TGS1: variants seen among roughly 807,000 people sequenced by gnomAD.
TGS1 encodes trimethylguanosine synthase 1, also known as trimethylguanosine synthase.
In TGS1, 69 loss-of-function variants were observed where a neutral mutation model predicts 92.2. That is an observed-to-expected ratio of 0.75 (90% CI 0.62 to 0.91). TGS1 has a LOEUF of 0.91. Among genes scored for constraint, TGS1 ranks in the 40% least tolerant of loss-of-function variants. TGS1 has a pLI of 0.00. For missense variants in TGS1, 1,062 were observed against 1,001.2 expected (o/e 1.06, Z -0.82); for synonymous variants, 345 against 338.1 (o/e 1.02, Z -0.22).
intron 10 of TGS1, among the ~76,000 whole-genome samples, chr8:55,809,935 A>G (rs1041053664): frequency 2.6e-5 from 4 of 152,218 alleles, no homozygotes; most frequent in African/African-American, 9.7e-5. Flanking sequence ...AGACTGAGCA[A>G]CTGAAAAGAA....
chr8:55,799,300 T>A, intron 8 of TGS1, 80 bp downstream of exon 8: 1 of 1,330,006 alleles, frequency 7.5e-7, no homozygotes, highest in Non-Finnish European at 1.0e-6. Flanking sequence ...TAGTTTTCAC[T>A]TGTGAATCTT....
intron 5 of TGS1, 67 bp downstream of exon 5, chr8:55,790,366 G>A (rs1386343390): frequency 2.0e-5 from 19 of 966,190 alleles, no homozygotes; most frequent in Non-Finnish European, 2.8e-5. Context: ...TAAGCCAGTG[G>A]TTATTAAATG....
chr8:55,779,544 T>TG lies in TGS1; in HGVS notation c.102-3203dup, dbSNP rs575123660. On this transcript the variant is annotated intron_variant, in intron 1 of 12. Transcript: ENST00000260129. ...AAAATACCTGGCTCTTTGTAGGAGA[T>TG]GCAGGCCAGGAAAGGAAAGTCACCT... Among the ~76,000 whole-genome samples, 422 of 152,352 alleles carry TG rather than the reference T, an allele frequency of 2.8e-3. 2 individuals carry two copies. Among genetic ancestry groups the TG allele is most frequent in the Middle Eastern group, 6.8e-3 (2 of 294 alleles).
intron 8 of TGS1, among the ~76,000 whole-genome samples, chr8:55,799,473 C>T (rs1812158066): frequency 6.6e-6 from 1 of 152,196 alleles, no homozygotes; most frequent in Non-Finnish European, 1.5e-5. Context: ...ATTGTGTCTG[C>T]AGACCACTGT....
At position 55,786,700 on chromosome 8, in the gene TGS1, T is replaced by G; in HGVS notation, c.802T>G (p.Cys268Gly). ...QGWTFDASQS[C>G]DTDTYTSKTE... ...TTGGACTTTTGATGCCTCGCAAAGC[T>G]GTGATACAGATACTTACACATCTAA... The change falls in exon 4 of 13, where the codon TGT (cysteine) becomes GGT (glycine). Residue 268 changes from cysteine (C) to glycine (G), a missense_variant. Cys to Gly is a radical substitution (Grantham distance 159). Coordinates refer to ENST00000260129, the MANE Select transcript of TGS1 (RefSeq NM_024831.8). 6.2e-7 allele frequency: 1 copy of G among 1,614,170 alleles called. No individual in the cohort carries two copies. Among genetic ancestry groups the G allele is most frequent in the Non-Finnish European group, 8.5e-7 (1 of 1,180,038 alleles).
chr8:55,786,388 G>C lies in TGS1; in HGVS notation c.490G>C (p.Glu164Gln). Residue 164 changes from glutamate to glutamine, a missense_variant, in exon 4 of 13, where the codon GAG (glutamate) becomes CAG (glutamine). Glu to Gln is a conservative substitution (Grantham distance 29). Coordinates refer to ENST00000260129, the MANE Select transcript of TGS1 (RefSeq NM_024831.8). ...SDDPSSIEQY[E>Q]NTRTYELQSK... Reference sequence around the variant, plus strand: ...TGATCCATCTTCAATTGAACAGTATGAGAACACCAGAACATATGAACTTCA... The same window carrying C: ...TGATCCATCTTCAATTGAACAGTATCAGAACACCAGAACATATGAACTTCA... 6.2e-7 allele frequency: 1 copy of C among 1,613,758 alleles called. No homozygotes were observed. Among genetic ancestry groups the C allele is most frequent in the South Asian group, 1.1e-5 (1 of 90,880 alleles).
rs1226848499 is a variant in TGS1 at position 55,811,034 on chromosome 8, G to A, written c.2297G>A (p.Trp766Ter). The change falls in exon 11 of 13, where the codon TGG (tryptophan) becomes TAG (stop). Residue 766 changes from tryptophan (W) to a stop codon, truncating the protein, a stop_gained. Transcript: ENST00000260129. LOFTEE classifies it high-confidence loss of function. The stretch of plus-strand genomic sequence containing the variant: ...GATGTTGTGTTCCTCAGCCCACCTT[G>A]GGGAGGGCCAGACTATGCCACTGCA... ...KADVVFLSPP[W>*]GGPDYATAET... 6.2e-7 allele frequency: 1 copy of A among 1,614,032 alleles called. No homozygotes were observed. The highest frequency in any genetic ancestry group is 8.5e-7 in the Non-Finnish European group (1 of 1,180,038).
In TGS1 at chr8:55,786,374, C is replaced by G; in HGVS notation, c.476C>G (p.Ser159Ter). The change falls in exon 4 of 13, where the codon TCA becomes TGA. Residue 159 changes from serine to a stop codon, truncating the protein, a stop_gained. Transcript: ENST00000260129. LOFTEE classifies it high-confidence loss of function. ...ATTTTGGCTTCAGATGATCCATCTT[C>G]AATTGAACAGTATGAGAACACCAGA... Reference protein sequence around the residue: ...DDILASDDPSSIEQYENTRTY... With the variant: ...DDILASDDPS The G allele has an allele frequency of 6.2e-7, 1 of 1,613,570 alleles. No homozygotes were observed. Among genetic ancestry groups the G allele is most frequent in the Non-Finnish European group, 8.5e-7 (1 of 1,179,930 alleles).
Position 55,826,242 on chromosome 8 carries a change from A to C in TGS1, c.*1539A>C, listed in dbSNP as rs570197693. 1.3e-5 allele frequency among the ~76,000 whole-genome samples: 2 copies of C among 152,086 alleles called. No individual in the cohort carries two copies. Among genetic ancestry groups the C allele is most frequent in the African/African-American group, 4.8e-5 (2 of 41,384 alleles). Reference sequence around the variant, plus strand: ...AATTTTTTTTAGTTTTTTGTCACTTAACCTTTCTTGCATATACTTCTTTCC... The same window carrying C: ...AATTTTTTTTAGTTTTTTGTCACTTCACCTTTCTTGCATATACTTCTTTCC... On this transcript the variant is annotated 3_prime_UTR_variant, in exon 13 of 13. Coordinates refer to ENST00000260129, the MANE Select transcript of TGS1 (RefSeq NM_024831.8).
rs550254887 is a variant in TGS1 at position 55,826,026 on chromosome 8, AT to A, written c.*1328del. ...CCACCACATCCAGCTAATTTTTTAT[AT>A]TTTTAGTAGCTATGGGGTTTCACCG... On this transcript the variant is annotated 3_prime_UTR_variant, in exon 13 of 13. Transcript: ENST00000260129. Among the ~76,000 whole-genome samples the A allele has an allele frequency of 1.2e-3, 175 of 151,586 alleles. No homozygotes were observed. The highest frequency in any genetic ancestry group is 2.2e-3 in the Admixed American group (33 of 15,216).
At chr8:55,807,142 A>G (rs1803187723) in intron 10 of TGS1, among the ~76,000 whole-genome samples, 1 of 151,936 alleles carries the variant, frequency 6.6e-6, no homozygotes, top group South Asian at 2.1e-4. Flanking sequence ...GTTAGCCAGG[A>G]TGGTCTTGAT....
chr8:55,802,545 A>G lies in TGS1; in HGVS notation c.1938A>G (p.Lys646=). 1.9e-6 allele frequency: 3 copies of G among 1,614,150 alleles called. No homozygotes were observed. The highest frequency in any genetic ancestry group is 2.5e-6 in the Non-Finnish European group (3 of 1,180,012). Residue 646 remains lysine, a synonymous_variant, in exon 9 of 13, where the codon AAA becomes AAG. Transcript: ENST00000260129. ...PEIAAVPELA[K]YWAQRYRLFS... ...TAGCTGCTGTTCCTGAGCTGGCAAA[A>G]TACTGGGCCCAGAGGTACAGGCTCT...
At position 55,786,549 on chromosome 8, in the gene TGS1, A is replaced by C. The variant is rs1811717927; in HGVS notation, c.651A>C (p.Lys217Asn). 6.2e-7 allele frequency: 1 copy of C among 1,614,098 alleles called. No homozygotes were observed. Among genetic ancestry groups the C allele is most frequent in the African/African-American group, 1.3e-5 (1 of 74,940 alleles). Residue 217 changes from lysine (K) to asparagine (N), a missense_variant, in exon 4 of 13, where the codon AAA becomes AAC. Physicochemically the swap from Lys to Asn is moderately conservative, Grantham distance 94. Transcript: ENST00000260129. ...TATTGTGGCAAAGTTGGCAAGAAAA[A>C]CATCCGGGTCAAGCACTATCTTCTG... ...GGLLWQSWQEKHPGQALSSEP... is the reference protein window; with the variant it reads ...GGLLWQSWQENHPGQALSSEP...
intron 1 of TGS1, 152 bp from the exon 2 acceptor site, chr8:55,782,596 C>T (rs1419441502): frequency 1.3e-5 from 7 of 552,588 alleles, no homozygotes; most frequent in Non-Finnish European, 2.2e-5. Flanking sequence ...TGTATTATTG[C>T]CTCTACATTA....
At chr8:55,802,711 T>C (rs1812253300) in intron 9 of TGS1, 105 bp downstream of exon 9, 4 of 1,132,356 alleles carry the variant, frequency 3.5e-6, no homozygotes, top group Non-Finnish European at 4.9e-6. Flanking sequence ...TTTACCCAGA[T>C]TCAGCTATTT....
Position 55,773,446 on chromosome 8 carries a change from A to C in TGS1, c.-173A>C. 2.0e-6 allele frequency: 1 copy of C among 507,768 alleles called. No homozygotes were observed. Among genetic ancestry groups the C allele is most frequent in the Non-Finnish European group, 3.4e-6 (1 of 292,194 alleles). 31.5% of individuals were successfully genotyped at this position (507,768 alleles called of 1,614,324 possible). A position where few individuals can be genotyped will look rare whatever the true frequency, so the allele number is the denominator to read the frequency against. Reference sequence around the variant, plus strand: ...CCCCTTCCCGTGGCCCCTCGGAGCCACTTCCGGCGGCAGCGTCCGGGCTAG... The same window carrying C: ...CCCCTTCCCGTGGCCCCTCGGAGCCCCTTCCGGCGGCAGCGTCCGGGCTAG... On this transcript the variant is annotated 5_prime_UTR_variant, in exon 1 of 13. Coordinates refer to ENST00000260129, the MANE Select transcript of TGS1 (RefSeq NM_024831.8).
chr8:55,794,915 A>G (rs11993497), intron 6 of TGS1, among the ~76,000 whole-genome samples: 2,042 of 152,364 alleles, frequency 0.013, 40 homozygotes, highest in African/African-American at 0.047. Context: ...TTATGAAATC[A>G]GCAAGAAAGG....
intron 12 of TGS1, among the ~76,000 whole-genome samples, chr8:55,824,028 AT>A (rs1803725522): frequency 6.6e-6 from 1 of 152,144 alleles, no homozygotes; most frequent in Non-Finnish European, 1.5e-5. Context: ...AGGCAGGAGA[AT>A]TGCTTGAACC....
At position 55,787,048 on chromosome 8, in the gene TGS1, C is replaced by T. The variant is rs1052749555; in HGVS notation, c.1150C>T (p.Pro384Ser). ...CTCATCGGGGAATACAAACACAGAC[C>T]CACCAGCTGAGGGTAAGATTAACCA... Reference protein sequence around the residue: ...SNSSGNTNTDPPAEDSQKSSG... With the variant: ...SNSSGNTNTDSPAEDSQKSSG... Residue 384 changes from proline to serine, a missense_variant, in exon 4 of 13, where the codon CCA becomes TCA. Physicochemically the swap from Pro to Ser is moderately conservative, Grantham distance 74 (BLOSUM62 -1). Transcript: ENST00000260129. 3 of 1,609,006 alleles carry T rather than the reference C, an allele frequency of 1.9e-6. No homozygotes were observed. In the African/African-American group the frequency reaches 4.0e-5, roughly 22 times the overall value.
Sources: gnomAD v4.1 joint callset for allele counts (sites outside exome capture counted in the v4.1 genomes callset) on GRCh38, gnomAD v4.1.1 for gene constraint, MANE v1.5 for transcripts, NCBI Gene and HGNC (gene_info 2026-07-23, HGNC 2026-07-21) for gene names.